TSGA10: variants seen among roughly 807,000 people sequenced by gnomAD.
The protein encoded by TSGA10 is testis specific 10.
A neutral mutation model predicts 96.6 loss-of-function variants in TSGA10; 43 were observed. The observed-to-expected ratio is 0.44, with a 90% CI of 0.35 to 0.57. TSGA10 has a LOEUF of 0.57. TSGA10 is among the 20% of genes least tolerant of loss of function. The pLI, the probability that TSGA10 is intolerant of heterozygous loss-of-function variation, is 0.01. For synonymous variants in TSGA10, 229 were observed against 269.9 expected (o/e 0.85, Z 1.48); for missense variants, 703 against 834.4 (o/e 0.84, Z 1.94).
At chr2:99,059,541 A>G (rs1455247475) in intron 16 of TSGA10, among the ~76,000 whole-genome samples, 1 of 152,020 alleles carries the variant, frequency 6.6e-6, no homozygotes, top group African/African-American at 2.4e-5. Context: ...CGGGAGGCTG[A>G]GGCAGGAGAA....
In TSGA10 at chr2:99,018,264, A is replaced by G. The variant is rs1165902570; in HGVS notation, c.2008T>C (p.Cys670Arg). 6.2e-7 allele frequency: 1 copy of G among 1,613,990 alleles called. No individual in the cohort carries two copies. The change falls in exon 20 of 21, where the codon TGT (cysteine) becomes CGT (arginine). Residue 670 changes from cysteine (C) to arginine (R), a missense_variant. By Grantham distance (180) the Cys-to-Arg change is radical. Around this residue, in one of 3 missense-constraint regions of TSGA10, gnomAD observed 69 missense variants for 81.3 expected, o/e 0.85. Coordinates refer to ENST00000393483, the MANE Select transcript of TSGA10 (RefSeq NM_025244.4). ...TGGTGAGCACGTTCTGGTGAATGAC[A>G]TTTTGTATTTGGCTTCATTGTAGAA... is the stretch of plus-strand genomic sequence containing the variant. Reference protein sequence around the residue: ...MSSTMKPNTKCHSPERAHHRS... With the variant: ...MSSTMKPNTKRHSPERAHHRS...
At chr2:99,053,190 C>T (rs2083586453) in intron 16 of TSGA10, among the ~76,000 whole-genome samples, 2 of 152,002 alleles carry the variant, frequency 1.3e-5, no homozygotes, top group Non-Finnish European at 2.9e-5. Context: ...GAACTACCAC[C>T]AATCCTCAAA....
intron 2 of TSGA10, among the ~76,000 whole-genome samples, chr2:99,120,879 A>G (rs2092535503): frequency 6.6e-6 from 1 of 152,146 alleles, no homozygotes; most frequent in Non-Finnish European, 1.5e-5. Context: ...AATGTGTACA[A>G]TTTTGTCATT....
intron 20 of TSGA10, among the ~76,000 whole-genome samples, chr2:99,017,488 G>T (rs953815363): frequency 6.6e-6 from 1 of 152,118 alleles, no homozygotes. Flanking sequence ...ACATTGGGCC[G>T]GGCGCGGTGG....
At chr2:99,085,524 A>G (rs1203107570) in intron 10 of TSGA10, among the ~76,000 whole-genome samples, 2 of 147,428 alleles carry the variant, frequency 1.4e-5, no homozygotes, top group Admixed American at 1.4e-4. Context: ...CAAGAGAATC[A>G]CTTGTGCCTG....
intron 2 of TSGA10, among the ~76,000 whole-genome samples, chr2:99,123,017 T>C (rs575008633): frequency 2.6e-5 from 4 of 152,312 alleles, no homozygotes; most frequent in Admixed American, 6.5e-5. Context: ...AAGGATACTT[T>C]CTCTGGATAT....
chr2:99,053,086 A>G (rs1177677244), intron 16 of TSGA10, among the ~76,000 whole-genome samples: 2 of 151,994 alleles, frequency 1.3e-5, no homozygotes, highest in African/African-American at 2.4e-5. Context: ...TAAATAGTGT[A>G]TTCCTGATAG....
chr2:99,057,881 A>C (rs1455967884), intron 16 of TSGA10, among the ~76,000 whole-genome samples: 2 of 152,226 alleles, frequency 1.3e-5, no homozygotes, highest in African/African-American at 2.4e-5. Context: ...CCAGTGTGGT[A>C]CTGATATAAG....
rs1466369900 is a variant in TSGA10, at chr2:98,998,200, G to A, written c.2094C>T (p.Phe698=). The change falls in exon 21 of 21, where the codon TTC becomes TTT. Residue 698 remains phenylalanine, a synonymous_variant. Coordinates refer to ENST00000393483, the MANE Select transcript of TSGA10 (RefSeq NM_025244.4). ...SLEENLCYRD[F] Reference sequence around the variant, plus strand: ...ATGTGAAGAATCATTTCAGGTGTCAGAAATCTCTGTAGCAAAGATTCCTAT... The same window carrying A: ...ATGTGAAGAATCATTTCAGGTGTCAAAAATCTCTGTAGCAAAGATTCCTAT... 3 of 1,599,324 alleles carry A rather than the reference G, an allele frequency of 1.9e-6. No individual in the cohort carries two copies. Among genetic ancestry groups the A allele is most frequent in the Admixed American group, 1.7e-5 (1 of 57,420 alleles).
At chr2:99,129,078 C>T (rs2092954977) in intron 1 of TSGA10, among the ~76,000 whole-genome samples, 1 of 152,178 alleles carries the variant, frequency 6.6e-6, no homozygotes, top group East Asian at 1.9e-4. Context: ...AGTATTTTAT[C>T]ATCTGTTCAA....
Position 99,069,002 on chromosome 2 carries a change from CG to C in TSGA10, c.1108-5del. ...CATTCAATTTTTTGGACAGTGCCTA[CG>C]AAAAAAAGATAGGTATATTTGACTA... is the stretch of plus-strand genomic sequence containing the variant. On this transcript the variant is annotated splice_region_variant and splice_polypyrimidine_tract_variant and intron_variant, in intron 14 of 20. Coordinates refer to ENST00000393483, the MANE Select transcript of TSGA10 (RefSeq NM_025244.4). The C allele has an allele frequency of 1.4e-6, 2 of 1,398,166 alleles. No homozygotes were observed. The highest frequency in any genetic ancestry group is 1.9e-6 in the Non-Finnish European group (2 of 1,062,634). 86.6% of individuals were successfully genotyped at this position (1,398,166 alleles called of 1,614,324 possible).
chr2:99,008,505 A>G (rs2078695983), intron 20 of TSGA10, among the ~76,000 whole-genome samples: 1 of 152,222 alleles, frequency 6.6e-6, no homozygotes, highest in Non-Finnish European at 1.5e-5. Flanking sequence ...TTTCTCATCC[A>G]CCACAGTGGC....
chr2:99,085,116 A>G (rs1412886154), intron 10 of TSGA10, among the ~76,000 whole-genome samples: 1 of 151,926 alleles, frequency 6.6e-6, no homozygotes, highest in Non-Finnish European at 1.5e-5. Flanking sequence ...GCACAGTGGC[A>G]TGCACCTGCA....
intron 12 of TSGA10, among the ~76,000 whole-genome samples, chr2:99,077,991 G>A (rs1487258733): frequency 6.6e-6 from 1 of 151,798 alleles, no homozygotes; most frequent in East Asian, 2.0e-4. Flanking sequence ...TGCTCCTAGG[G>A]CAGGGTGCAG....
intron 6 of TSGA10, 52 bp from the exon 7 acceptor site, chr2:99,109,043 A>G: frequency 7.4e-7 from 1 of 1,352,172 alleles, no homozygotes; most frequent in Non-Finnish European, 9.9e-7. Flanking sequence ...GTACTGATAG[A>G]AAGGTGCTAC....
intron 1 of TSGA10, among the ~76,000 whole-genome samples, chr2:99,135,776 A>T (rs1018370839): frequency 6.6e-6 from 1 of 152,214 alleles, no homozygotes; most frequent in Non-Finnish European, 1.5e-5. Flanking sequence ...TGGGAGGCTG[A>T]GGCGGGCGGA....
intron 6 of TSGA10, 74 bp from the exon 7 acceptor site, chr2:99,109,065 C>T: frequency 9.1e-7 from 1 of 1,099,758 alleles, no homozygotes; most frequent in Non-Finnish European, 1.3e-6. Flanking sequence ...GATGGTAGTG[C>T]CCAATTTCTA....
chr2:99,104,270 A>G, intron 9 of TSGA10, 152 bp from the exon 10 acceptor site: 1 of 815,244 alleles, frequency 1.2e-6, no homozygotes, highest in Non-Finnish European at 1.9e-6. Context: ...AAGGTTTTAC[A>G]GATAAGGTGT....
intron 1 of TSGA10, among the ~76,000 whole-genome samples, chr2:99,140,615 AT>A (rs2093499726): frequency 6.6e-6 from 1 of 152,114 alleles, no homozygotes; most frequent in Non-Finnish European, 1.5e-5. Context: ...ACTGTGTATA[AT>A]TTTTACTAAA....
Sources: allele counts gnomAD v4.1 joint callset (sites outside exome capture counted in the v4.1 genomes callset), GRCh38; gene constraint gnomAD v4.1.1; regional missense constraint gnomAD v4.1.1; transcripts MANE v1.5; gene names NCBI Gene and HGNC (gene_info 2026-07-23, HGNC 2026-07-21).